Variants in CLASP1 observed in about 807,000 individuals in gnomAD.
CLASP1 encodes cytoplasmic linker associated protein 1.
Under a neutral mutation model 192.3 loss-of-function variants are expected in CLASP1, and 38 were observed. The observed-to-expected ratio is 0.20, with a 90% CI of 0.15 to 0.26. The LOEUF is 0.26. CLASP1 is among the 10% of genes least tolerant of loss of function. The pLI is 1.00. For missense variants in CLASP1, 1,433 were observed against 1,932.5 expected (o/e 0.74, Z 4.85); for synonymous variants, 691 against 712.8 (o/e 0.97, Z 0.49).
chr2:121,344,338 A>AC lies in CLASP1; in HGVS notation c.4530+2699dup, dbSNP rs1553446465. 2.2e-3 allele frequency among the ~76,000 whole-genome samples: 328 copies of AC among 151,674 alleles called. 1 individual carries two copies. The highest frequency in any genetic ancestry group is 7.5e-3 in the African/African-American group (312 of 41,356). ...CACTTATTTTTTTTCTTAAAAAAAA[A>AC]CCTTTTTTTTTGAGACAGAGTTTCG... On this transcript the variant is annotated intron_variant, in intron 39 of 39. Coordinates refer to ENST00000263710, the Ensembl canonical transcript of CLASP1.
At chr2:121,422,897 T>C (rs1223242204) in intron 22 of CLASP1, among the ~76,000 whole-genome samples, 1 of 152,158 alleles carries the variant, frequency 6.6e-6, no homozygotes, top group Non-Finnish European at 1.5e-5. Context: ...GTTTGGGAAT[T>C]ATAGAAAATA....
chr2:121,473,083 A>T (rs1402088285), intron 8 of CLASP1, among the ~76,000 whole-genome samples: 1 of 151,790 alleles, frequency 6.6e-6, no homozygotes, highest in Non-Finnish European at 1.5e-5. Context: ...GAGAAGCCTT[A>T]AAAAAAAATT....
At chr2:121,431,031 C>T (rs1425049042) in intron 19 of CLASP1, among the ~76,000 whole-genome samples, 1 of 151,506 alleles carries the variant, frequency 6.6e-6, no homozygotes, top group Non-Finnish European at 1.5e-5. Flanking sequence ...AATGCCTCTC[C>T]GGCCGTAACT....
In CLASP1 at chr2:121,376,105, T is replaced by C. The variant is rs561544776; in HGVS notation, c.3642+1394A>G. Among the ~76,000 whole-genome samples, 338 of 152,318 alleles carry C rather than the reference T, an allele frequency of 2.2e-3. 1 individual carries two copies. The highest frequency in any genetic ancestry group is 6.6e-3 in the African/African-American group (274 of 41,564). On this transcript the variant is annotated intron_variant, in intron 34 of 39. Coordinates refer to ENST00000263710, the Ensembl canonical transcript of CLASP1. ...AGAATGTACATTAGTATAGCCATTA[T>C]GGAAAACAGTATCGTGGTTTCTCAA...
intron 2 of CLASP1, among the ~76,000 whole-genome samples, chr2:121,605,262 A>C (rs530565240): frequency 1.1e-4 from 17 of 152,276 alleles, no homozygotes; most frequent in African/African-American, 3.9e-4. Context: ...GGCCAGCTTC[A>C]CAACAGTGAC....
intron 2 of CLASP1, among the ~76,000 whole-genome samples, chr2:121,533,481 A>G (rs1204430799): frequency 6.6e-6 from 1 of 152,206 alleles, no homozygotes; most frequent in African/African-American, 2.4e-5. Context: ...TAAAGTGTGT[A>G]TGTAAACTGT....
chr2:121,386,341 A>G (rs2073186356), intron 32 of CLASP1, among the ~76,000 whole-genome samples: 1 of 152,190 alleles, frequency 6.6e-6, no homozygotes, highest in African/African-American at 2.4e-5. Flanking sequence ...TTAATCCTGT[A>G]GACAAACAGA....
chr2:121,627,065 T>C (rs2068516727), intron 1 of CLASP1, among the ~76,000 whole-genome samples: 1 of 151,940 alleles, frequency 6.6e-6, no homozygotes, highest in Non-Finnish European at 1.5e-5. Context: ...GAGAGTTCAG[T>C]ACATCCCATA....
chr2:121,470,326 CAG>C (rs750995337), intron 8 of CLASP1: 11 of 413,936 alleles, frequency 2.7e-5, no homozygotes, highest in Non-Finnish European at 4.1e-5. Context: ...TTTTTGAAGA[CAG>C]AGTCTCACTG....
At chr2:121,437,470 AAAG>A (rs2082503380) in intron 19 of CLASP1, among the ~76,000 whole-genome samples, 1 of 152,206 alleles carries the variant, frequency 6.6e-6, no homozygotes, top group East Asian at 1.9e-4. Context: ...GAATTATTCC[AAAG>A]AAGATCTCTG....
intron 37 of CLASP1, among the ~76,000 whole-genome samples, 177 bp downstream of exon 38, chr2:121,362,995 T>C (rs1041715903): frequency 6.6e-6 from 1 of 152,238 alleles, no homozygotes; most frequent in African/African-American, 2.4e-5. Context: ...GCCCTGGAAC[T>C]ATGCCACTGC....
At chr2:121,557,423 A>G (rs1466827295) in intron 2 of CLASP1, among the ~76,000 whole-genome samples, 1 of 149,858 alleles carries the variant, frequency 6.7e-6, no homozygotes, top group Non-Finnish European at 1.5e-5. Context: ...ATCTCTACTA[A>G]AAATACAAAA....
chr2:121,365,866 C>T lies in CLASP1; in HGVS notation c.3887-582G>A, dbSNP rs560502473. On this transcript the variant is annotated intron_variant, in intron 35 of 39. Coordinates refer to ENST00000263710, the Ensembl canonical transcript of CLASP1. ...ATCTATGTGGAGACTAAAAACTGGC[C>T]CAAGATGACTCAACATAGTTACCTG... is the stretch of plus-strand genomic sequence containing the variant. Among the ~76,000 whole-genome samples the T allele has an allele frequency of 2.0e-5, 3 of 152,218 alleles. No individual in the cohort carries two copies. In the South Asian group the frequency reaches 6.2e-4, roughly 32 times the overall value.
intron 2 of CLASP1, among the ~76,000 whole-genome samples, chr2:121,581,741 TG>T (rs1468691354): frequency 6.6e-6 from 1 of 152,122 alleles, no homozygotes; most frequent in African/African-American, 2.4e-5. Flanking sequence ...TAAAATTAGC[TG>T]ATCAGGGTGG....
At chr2:121,381,628 G>A (rs1220810257) in intron 33 of CLASP1, among the ~76,000 whole-genome samples, 2 of 152,152 alleles carry the variant, frequency 1.3e-5, no homozygotes, top group Non-Finnish European at 2.9e-5. Flanking sequence ...AGGGACTGAC[G>A]TTTCTCCTTC....
intron 24 of CLASP1, among the ~76,000 whole-genome samples, chr2:121,408,276 G>T (rs1010811190): frequency 6.6e-6 from 1 of 152,154 alleles, no homozygotes; most frequent in Non-Finnish European, 1.5e-5. Context: ...AATGTCAATG[G>T]CAGAAGCAGC....
At chr2:121,447,775 T>C (rs1454151534) in intron 18 of CLASP1, among the ~76,000 whole-genome samples, 4 of 152,178 alleles carry the variant, frequency 2.6e-5, no homozygotes, top group African/African-American at 9.6e-5. Context: ...AAATGGACCA[T>C]GTTTCTGCTT....
At chr2:121,592,738 G>GC (rs1263444308) in intron 2 of CLASP1, among the ~76,000 whole-genome samples, 4 of 151,984 alleles carry the variant, frequency 2.6e-5, no homozygotes, top group African/African-American at 7.3e-5. Flanking sequence ...TGCAGGCTCT[G>GC]CCCCCCAGGG....
At chr2:121,395,825 A>T (rs1364776872) in intron 30 of CLASP1, among the ~76,000 whole-genome samples, 1 of 152,144 alleles carries the variant, frequency 6.6e-6, no homozygotes, top group East Asian at 1.9e-4. Flanking sequence ...CAAGGAAGGG[A>T]GGTAGGGAAG....
Sources: gnomAD v4.1 joint callset for allele counts (sites outside exome capture counted in the v4.1 genomes callset) on GRCh38, gnomAD v4.1.1 for gene constraint, MANE v1.5 for transcripts, NCBI Gene and HGNC (gene_info 2026-07-23, HGNC 2026-07-21) for gene names.